Variants in INTS9 observed in about 807,000 individuals in gnomAD.
INTS9 encodes the protein integrator complex subunit 9.
A neutral mutation model predicts 79.7 loss-of-function variants in INTS9; 55 were observed. That is an observed-to-expected ratio of 0.69 (90% confidence interval 0.56 to 0.86). INTS9 has a LOEUF of 0.86. Among genes scored for constraint, INTS9 ranks in the 40% least tolerant of loss-of-function variants. The pLI, the probability that INTS9 is intolerant of heterozygous loss-of-function variation, is 0.00. For missense variants in INTS9, 721 were observed against 831.5 expected (o/e 0.87, Z 1.64); for synonymous variants, 319 against 325.2 (o/e 0.98, Z 0.20).
intron 10 of INTS9, 197 bp downstream of exon 10, chr8:28,793,608 CCT>C (rs1250693315): frequency 1.4e-5 from 7 of 499,824 alleles, no homozygotes; most frequent in African/African-American, 1.2e-4. Context: ...TGCATTCTTC[CCT>C]CTTTGACAAC....
At chr8:28,850,105 G>GAAA in intron 3 of INTS9, 108 bp downstream of exon 3, 2 of 654,086 alleles carry the variant, frequency 3.1e-6, no homozygotes, top group Non-Finnish European at 5.1e-6. Flanking sequence ...TTTCAGAGAG[G>GAAA]AAAAAAAAAA....
intron 15 of INTS9, 117 bp from the exon 16 acceptor site, chr8:28,770,143 G>A (rs900330941): frequency 2.1e-5 from 28 of 1,315,676 alleles, no homozygotes; most frequent in Admixed American, 5.3e-5. Flanking sequence ...GCCCCGGCCC[G>A]GTTTCCTCAG....
intron 4 of INTS9, among the ~76,000 whole-genome samples, chr8:28,840,009 A>G (rs1223132109): frequency 9.7e-5 from 14 of 144,062 alleles, no homozygotes; most frequent in African/African-American, 3.4e-4. Flanking sequence ...CAGGCAACCT[A>G]CAAAATGGGA....
rs532323381 is a variant in INTS9 at position 28,775,787 on chromosome 8, C to T, written c.1535G>A (p.Arg512Gln). The T allele has an allele frequency of 5.1e-5, 83 of 1,613,966 alleles. 1 individual carries two copies. Among genetic ancestry groups the T allele is most frequent in the South Asian group, 2.2e-4 (20 of 91,058 alleles). ...AEVLALPFKR[R>Q]YEKIEIMPEL... is the part of the protein sequence containing the mutation. ...TGGCATGATCTCGATCTTCTCGTAC[C>T]GACGTTTGAAGGGCAGGGCGAGAAC... The change falls in exon 14 of 17, where the codon CGG becomes CAG. Residue 512 changes from arginine to glutamine, a missense_variant. Arg to Gln is a conservative substitution (Grantham distance 43). This residue lies in a region of INTS9 where 281 missense variants were observed against 300.8 expected (regional missense o/e 0.93). Transcript: ENST00000521022.
chr8:28,795,063 T>C (rs1174058796), intron 9 of INTS9, among the ~76,000 whole-genome samples: 2 of 152,264 alleles, frequency 1.3e-5, no homozygotes, highest in Non-Finnish European at 2.9e-5. Context: ...TTAGCATGGC[T>C]AAGTTTAATT....
intron 4 of INTS9, among the ~76,000 whole-genome samples, chr8:28,838,514 G>A (rs1360848099): frequency 3.9e-5 from 6 of 152,104 alleles, no homozygotes. Flanking sequence ...CTACCAATCT[G>A]TCAAGACGCA....
intron 1 of INTS9, among the ~76,000 whole-genome samples, chr8:28,878,664 C>T (rs1314816100): frequency 7.0e-6 from 1 of 143,770 alleles, no homozygotes; most frequent in African/African-American, 2.6e-5. Context: ...AAACAAAAAA[C>T]TCTTGTATAG....
Position 28,787,573 on chromosome 8 carries a change from C to G in INTS9, c.1098+256G>C, listed in dbSNP as rs562022356. 2.0e-4 allele frequency among the ~76,000 whole-genome samples: 31 copies of G among 152,140 alleles called. 1 individual carries two copies. The highest frequency in any genetic ancestry group is 1.5e-5 in the Non-Finnish European group (1 of 68,040). On this transcript the variant is annotated intron_variant, in intron 11 of 16. Coordinates refer to ENST00000521022, the MANE Select transcript of INTS9 (RefSeq NM_018250.4). The stretch of plus-strand genomic sequence containing the variant: ...GATGCTCAACCAGTAAGTATATTCC[C>G]GAATCCCAAGTCTGAAACAATTCTG...
intron 1 of INTS9, among the ~76,000 whole-genome samples, chr8:28,881,642 C>A (rs1241024581): frequency 8.3e-6 from 1 of 121,180 alleles, no homozygotes; most frequent in East Asian, 2.7e-4. Context: ...TCTGCCCGGC[C>A]GCCCCTACTG....
At chr8:28,821,569 C>G (rs1805829385) in intron 6 of INTS9, among the ~76,000 whole-genome samples, 1 of 142,006 alleles carries the variant, frequency 7.0e-6, no homozygotes, top group Non-Finnish European at 1.5e-5. Flanking sequence ...GGGACAATTC[C>G]AGCTGAAACC....
chr8:28,795,642 A>C (rs1804171598), intron 9 of INTS9, among the ~76,000 whole-genome samples: 1 of 9,784 alleles, frequency 1.0e-4, no homozygotes, highest in Non-Finnish European at 2.8e-4. Context: ...TCCGTCTCAA[A>C]AAAAAAAAAA....
chr8:28,801,584 G>A (rs1007790748), intron 8 of INTS9, among the ~76,000 whole-genome samples: 1 of 151,934 alleles, frequency 6.6e-6, no homozygotes, highest in Non-Finnish European at 1.5e-5. Flanking sequence ...TTAGATTTAA[G>A]AAACTACATT....
chr8:28,784,175 G>A (rs952454458), intron 11 of INTS9, among the ~76,000 whole-genome samples: 2 of 152,122 alleles, frequency 1.3e-5, no homozygotes, highest in Admixed American at 6.5e-5. Context: ...CCCTAACAAC[G>A]ACAAGTGCAC....
chr8:28,831,345 T>G (rs764939504), intron 6 of INTS9, among the ~76,000 whole-genome samples: 8 of 152,164 alleles, frequency 5.3e-5, no homozygotes, highest in Non-Finnish European at 7.3e-5. Context: ...GATAAACAGC[T>G]AATGCATATG....
rs200927188 is a variant in INTS9, at chr8:28,812,380, A to C, written c.691T>G (p.Tyr231Asp). 8.6e-5 allele frequency: 139 copies of C among 1,613,902 alleles called. No individual in the cohort carries two copies. Among genetic ancestry groups the C allele is most frequent in the Non-Finnish European group, 1.2e-5 (14 of 1,179,914 alleles). Residue 231 changes from tyrosine (Y) to aspartate (D), a missense_variant, in exon 8 of 17, where the codon TAC (tyrosine) becomes GAC (aspartate). By Grantham distance (160) the Tyr-to-Asp change is radical (BLOSUM62 -3). This residue lies in a region of INTS9 where 291 missense variants were observed against 307.0 expected (regional missense o/e 0.95). Coordinates refer to ENST00000521022, the MANE Select transcript of INTS9 (RefSeq NM_018250.4). ...CCAGAGACATAAGACACTTTCTCGT[A>C]ATGAGACTGGATGATCCAGTTGGAG... is the stretch of plus-strand genomic sequence containing the variant. ...GSSNWIIQSHYEKVSYVSGSS... is the reference protein window; with the variant it reads ...GSSNWIIQSHDEKVSYVSGSS...
At chr8:28,874,308 G>A (rs1411250438) in intron 1 of INTS9, among the ~76,000 whole-genome samples, 1 of 108,488 alleles carries the variant, frequency 9.2e-6, no homozygotes, top group African/African-American at 3.5e-5. Flanking sequence ...TTTTTGTTTT[G>A]AGACAGAGTC....
intron 11 of INTS9, among the ~76,000 whole-genome samples, chr8:28,781,440 G>A (rs553988456): frequency 6.6e-6 from 1 of 152,306 alleles, no homozygotes; most frequent in Admixed American, 6.5e-5. Context: ...CTGCTGGTGG[G>A]AATGCAAAAG....
chr8:28,814,562 C>T (rs540532315), intron 6 of INTS9, among the ~76,000 whole-genome samples: 3 of 152,206 alleles, frequency 2.0e-5, no homozygotes, highest in Admixed American at 1.3e-4. Context: ...AAAAAAGAGA[C>T]GAGATACTTA....
chr8:28,819,970 G>A (rs1194873855), intron 6 of INTS9, among the ~76,000 whole-genome samples: 2 of 152,144 alleles, frequency 1.3e-5, no homozygotes, highest in Admixed American at 6.5e-5. Context: ...GACAAGGATT[G>A]CAACCCCTGC....
Sources: gnomAD v4.1 joint callset for allele counts (sites outside exome capture counted in the v4.1 genomes callset) on GRCh38, gnomAD v4.1.1 for gene constraint, gnomAD v4.1.1 regional missense constraint, MANE v1.5 for transcripts, NCBI Gene and HGNC (gene_info 2026-07-23, HGNC 2026-07-21) for gene names.